The following MAML2 variants were observed in gnomAD, a reference collection of about 807,000 sequenced individuals.
MAML2 encodes the protein mastermind like transcriptional coactivator 2.
Under a neutral mutation model 96.1 loss-of-function variants are expected in MAML2, and 22 were observed. The observed-to-expected ratio is 0.23, with a 90% CI of 0.16 to 0.33. The LOEUF (loss-of-function observed/expected upper bound fraction) is 0.33. MAML2 is among the 10% of genes least tolerant of loss of function. MAML2 has a pLI of 1.00. For missense variants in MAML2, 1,367 were observed against 1,392.4 expected (o/e 0.98, Z 0.29); for synonymous variants, 561 against 521.3 (o/e 1.08, Z -1.04).
intron 1 of MAML2, among the ~76,000 whole-genome samples, chr11:96,178,110 ACACAGCCAGG>A (rs1861419651): frequency 6.9e-6 from 1 of 144,634 alleles, no homozygotes; most frequent in Non-Finnish European, 1.5e-5. Context: ...TTTTTTGCTG[ACACAGCCAGG>A]CTGAGACATC....
chr11:96,123,102 A>C (rs566714373), intron 1 of MAML2, among the ~76,000 whole-genome samples: 8 of 152,314 alleles, frequency 5.3e-5, no homozygotes, highest in African/African-American at 1.9e-4. Context: ...AGATGATGAG[A>C]TGCCCATGTC....
At chr11:96,282,174 G>A (rs368582882) in intron 1 of MAML2, among the ~76,000 whole-genome samples, 7 of 151,698 alleles carry the variant, frequency 4.6e-5, no homozygotes, top group South Asian at 4.2e-4. Context: ...GCGTGAACCC[G>A]GGAGACGGAG....
intron 1 of MAML2, among the ~76,000 whole-genome samples, chr11:96,258,145 A>T (rs1464669685): frequency 2.0e-5 from 3 of 152,240 alleles, no homozygotes; most frequent in African/African-American, 4.8e-5. Flanking sequence ...AGTGGCTTTA[A>T]CAACAACCAT....
chr11:96,033,701 G>A (rs1363757727), intron 2 of MAML2, among the ~76,000 whole-genome samples: 1 of 152,188 alleles, frequency 6.6e-6, no homozygotes, highest in Non-Finnish European at 1.5e-5. Flanking sequence ...AGAGGAGAGT[G>A]TACCCTGGGT....
At chr11:96,247,055 G>A (rs1201490662) in intron 1 of MAML2, among the ~76,000 whole-genome samples, 1 of 152,094 alleles carries the variant, frequency 6.6e-6, no homozygotes, top group East Asian at 1.9e-4. Flanking sequence ...ACCTTAGTGT[G>A]TTGCTGGAAA....
chr11:96,033,231 G>T (rs999300881), intron 2 of MAML2, among the ~76,000 whole-genome samples: 2 of 152,150 alleles, frequency 1.3e-5, no homozygotes, highest in African/African-American at 4.8e-5. Context: ...ACCTTATCTT[G>T]TATCCAAGTG....
intron 2 of MAML2, among the ~76,000 whole-genome samples, chr11:96,080,870 A>T (rs1394377303): frequency 6.6e-6 from 1 of 152,054 alleles, no homozygotes; most frequent in Non-Finnish European, 1.5e-5. Flanking sequence ...TGGCCCTGAA[A>T]CCTGAACCTG....
At chr11:96,267,106 A>G (rs1434431242) in intron 1 of MAML2, among the ~76,000 whole-genome samples, 1 of 152,222 alleles carries the variant, frequency 6.6e-6, no homozygotes, top group Non-Finnish European at 1.5e-5. Flanking sequence ...ATTTCCTTGC[A>G]GAGGTAGCAA....
At chr11:96,325,898 G>T (rs888897290) in intron 1 of MAML2, among the ~76,000 whole-genome samples, 2 of 152,188 alleles carry the variant, frequency 1.3e-5, no homozygotes, top group Non-Finnish European at 2.9e-5. Context: ...CACGGGCACA[G>T]AAACCCCTCT....
At chr11:96,008,793 C>T (rs617264) in intron 2 of MAML2, among the ~76,000 whole-genome samples, 4,655 of 152,198 alleles carry the variant, frequency 0.031, 174 homozygotes, top group African/African-American at 0.089. Flanking sequence ...ACTAAACTAA[C>T]GGAGTCAACT....
intron 1 of MAML2, among the ~76,000 whole-genome samples, chr11:96,183,123 A>T (rs1399619557): frequency 6.6e-6 from 1 of 151,500 alleles, no homozygotes; most frequent in Non-Finnish European, 1.5e-5. Context: ...ACGCCTGGCT[A>T]ATTTTTTGTA....
chr11:96,323,133 A>G (rs1863729973), intron 1 of MAML2, among the ~76,000 whole-genome samples: 1 of 151,910 alleles, frequency 6.6e-6, no homozygotes, highest in Non-Finnish European at 1.5e-5. Flanking sequence ...GCACTCTCCA[A>G]GAGACCATGG....
chr11:96,241,226 G>T (rs1862434243), intron 1 of MAML2, among the ~76,000 whole-genome samples: 2 of 152,186 alleles, frequency 1.3e-5, no homozygotes, highest in South Asian at 4.1e-4. Flanking sequence ...CAGCATCAAA[G>T]ATTTAGTGCT....
chr11:96,189,448 C>G (rs989449072), intron 1 of MAML2, among the ~76,000 whole-genome samples: 3 of 152,124 alleles, frequency 2.0e-5, no homozygotes, highest in Non-Finnish European at 4.4e-5. Flanking sequence ...ATTTGAAATA[C>G]CTGAAATAAG....
In MAML2 at chr11:96,212,790, C is replaced by T. The variant is rs149661239; in HGVS notation, c.514-119273G>A. Among the ~76,000 whole-genome samples, 562 of 152,276 alleles carry T rather than the reference C, an allele frequency of 3.7e-3. 9 individuals carry two copies. The highest frequency in any genetic ancestry group is 0.013 in the African/African-American group (537 of 41,560). The stretch of plus-strand genomic sequence containing the variant: ...TCAGCAATGTGACCATTCCTTCTGA[C>T]ATAAAGGAGCAAGAAGACCTCTCAA... On this transcript the variant is annotated intron_variant, in intron 1 of 4. Coordinates refer to ENST00000524717, the MANE Select transcript of MAML2 (RefSeq NM_032427.4).
At chr11:96,003,058 C>G (rs1459318712) in intron 2 of MAML2, among the ~76,000 whole-genome samples, 1,053 of 53,350 alleles carry the variant, frequency 0.02, no homozygotes, top group Middle Eastern at 0.052. Context: ...GGATGATGAA[C>G]ATGATGATGG....
At chr11:96,126,855 C>T (rs1343037851) in intron 1 of MAML2, among the ~76,000 whole-genome samples, 1 of 152,026 alleles carries the variant, frequency 6.6e-6, no homozygotes, top group South Asian at 2.1e-4. Context: ...GTGAACAACA[C>T]AAAAAAACAT....
chr11:96,290,325 C>A (rs1312162291), intron 1 of MAML2, among the ~76,000 whole-genome samples: 3 of 152,174 alleles, frequency 2.0e-5, no homozygotes, highest in Non-Finnish European at 2.9e-5. Flanking sequence ...TTGAAAGAGA[C>A]AATGGGGAGA....
At chr11:96,030,251 T>G (rs1206002555) in intron 2 of MAML2, among the ~76,000 whole-genome samples, 1 of 151,324 alleles carries the variant, frequency 6.6e-6, no homozygotes, top group Non-Finnish European at 1.5e-5. Context: ...AAAAATCATA[T>G]GGAAAGATAA....
Sources: allele counts gnomAD v4.1 joint callset (sites outside exome capture counted in the v4.1 genomes callset), GRCh38; gene constraint gnomAD v4.1.1; transcripts MANE v1.5; gene names NCBI Gene and HGNC (gene_info 2026-07-23, HGNC 2026-07-21).